ZNF514: variants seen among roughly 807,000 people sequenced by gnomAD.
The protein encoded by ZNF514 is zinc finger protein 514.
A neutral mutation model predicts 9.7 loss-of-function variants in ZNF514; 12 were observed. That is an observed-to-expected ratio of 1.24 (90% CI 0.79 to 2.01). The LOEUF is 2.01. ZNF514 is among the 30% of genes most tolerant of loss of function. The probability of loss-of-function intolerance (pLI) is 0.00; values close to 1 mark genes in which losing one functional copy is unlikely to be tolerated. For missense variants in ZNF514, 467 were observed against 465.5 expected (o/e 1.00, Z -0.03); for synonymous variants, 158 against 163.7 (o/e 0.97, Z 0.27).
chr2:95,156,586 GT>G (rs752466755), intron 2 of ZNF514, among the ~76,000 whole-genome samples: 7 of 152,202 alleles, frequency 4.6e-5, no homozygotes, highest in Non-Finnish European at 1.0e-4. Context: ...TTATGGGAAT[GT>G]TTTAGAGACA....
rs1038347443 is a variant in ZNF514 at position 95,145,576 on chromosome 2, T to A, written c.*3706A>T. Among the ~76,000 whole-genome samples, 9 of 152,180 alleles carry A rather than the reference T, an allele frequency of 5.9e-5. No homozygotes were observed. The highest frequency in any genetic ancestry group is 1.2e-4 in the Non-Finnish European group (8 of 68,032). ...ATTCCCTTCTATTGATTCCAGGTCT[T>A]TGGATAAACCCACTGCCAATCAGAA... On this transcript the variant is annotated 3_prime_UTR_variant, in exon 5 of 5. Transcript: ENST00000295208.
chr2:95,131,897 C>T, the ZNF514 span, among the ~76,000 whole-genome samples: 2 of 152,118 alleles, frequency 1.3e-5, 1 homozygote, highest in Admixed American at 1.3e-4. Context: ...AATCACAGCA[C>T]TTTGGGAGGC....
chr2:95,149,037 G>A lies in ZNF514; in HGVS notation c.*245C>T, dbSNP rs537610264. Reference sequence around the variant, plus strand: ...ATAATATGCATCCTCTGATCAAAGCGTTCCCACATTCATTACATTCACGTG... The same window carrying A: ...ATAATATGCATCCTCTGATCAAAGCATTCCCACATTCATTACATTCACGTG... On this transcript the variant is annotated 3_prime_UTR_variant, in exon 5 of 5. Transcript: ENST00000295208. 8.3e-5 allele frequency: 40 copies of A among 484,386 alleles called. No individual in the cohort carries two copies. The highest frequency in any genetic ancestry group is 4.3e-4 in the African/African-American group (22 of 51,416). The allele number at this position is 484,386 out of a possible 1,614,324, so 30.0% of individuals were successfully genotyped here.
At chr2:95,137,031 CAAATT>C in the ZNF514 span, among the ~76,000 whole-genome samples, 1 of 152,044 alleles carries the variant, frequency 6.6e-6, no homozygotes, top group Admixed American at 6.6e-5. Flanking sequence ...AAATGAACAA[CAAATT>C]AAAGAACTTA....
rs1373549535 is a variant in ZNF514, at chr2:95,145,147, G to GT, written c.*4134dup. The stretch of plus-strand genomic sequence containing the variant: ...TGACATGAAGCAGCTGATAGTCTAT[G>GT]TAAGTCAAAAATAAAATTCTAAGCA... On this transcript the variant is annotated 3_prime_UTR_variant, in exon 5 of 5. Coordinates refer to ENST00000295208, the MANE Select transcript of ZNF514 (RefSeq NM_032788.3). Among the ~76,000 whole-genome samples the GT allele has an allele frequency of 6.6e-6, 1 of 152,172 alleles. No individual in the cohort carries two copies. Among genetic ancestry groups the GT allele is most frequent in the East Asian group, 1.9e-4 (1 of 5,196 alleles).
chr2:95,143,793 G>A (rs575538841), downstream of ZNF514, among the ~76,000 whole-genome samples: 12 of 152,258 alleles, frequency 7.9e-5, no homozygotes, highest in Admixed American at 2.0e-4. Flanking sequence ...ATTAAATGAC[G>A]CAAACATTCT....
Position 95,145,470 on chromosome 2 carries a change from T to C in ZNF514, c.*3812A>G, listed in dbSNP as rs985946967. Among the ~76,000 whole-genome samples the C allele has an allele frequency of 9.9e-5, 15 of 152,194 alleles. No individual in the cohort carries two copies. Among genetic ancestry groups the C allele is most frequent in the African/African-American group, 3.4e-4 (14 of 41,442 alleles). On this transcript the variant is annotated 3_prime_UTR_variant, in exon 5 of 5. Transcript: ENST00000295208. The stretch of plus-strand genomic sequence containing the variant: ...TCTGATAAGAAACATTTACAATCTA[T>C]TCTCTCTGAAGCCTGCTACCTTCTG...
chr2:95,130,161 G>A, the ZNF514 span, among the ~76,000 whole-genome samples: 9 of 152,130 alleles, frequency 5.9e-5, no homozygotes, highest in Admixed American at 3.3e-4. Flanking sequence ...GGTAGGAGCC[G>A]TGATGCCCCA....
chr2:95,139,264 A>G, the ZNF514 span, among the ~76,000 whole-genome samples: 86,583 of 152,108 alleles, frequency 0.57, 25,141 homozygotes, highest in Non-Finnish European at 0.62. Flanking sequence ...AGTGTCCCCA[A>G]TGGGGCACTG....
chr2:95,130,336 G>C, the ZNF514 span, among the ~76,000 whole-genome samples: 3 of 152,312 alleles, frequency 2.0e-5, no homozygotes, highest in South Asian at 6.2e-4. Context: ...CAGGACCGAG[G>C]TGAAATTAAA....
intron 2 of ZNF514, among the ~76,000 whole-genome samples, chr2:95,156,135 T>A (rs1301589476): frequency 6.6e-6 from 1 of 152,258 alleles, no homozygotes; most frequent in African/African-American, 2.4e-5. Flanking sequence ...TATTTATGAC[T>A]TTACTGATTA....
chr2:95,127,303 T>C, the ZNF514 span, among the ~76,000 whole-genome samples: 1 of 152,216 alleles, frequency 6.6e-6, no homozygotes, highest in Admixed American at 6.5e-5. Context: ...TTTTGGTGAT[T>C]CAAGTCAGAC....
chr2:95,153,441 G>A, intron 2 of ZNF514, 182 bp from the exon 3 acceptor site: 2 of 486,162 alleles, frequency 4.1e-6, no homozygotes, highest in East Asian at 3.2e-5. Flanking sequence ...ACATTTAATT[G>A]GAATCAATTA....
intron 2 of ZNF514, among the ~76,000 whole-genome samples, chr2:95,156,362 T>C (rs1673686845): frequency 6.6e-6 from 1 of 152,154 alleles, no homozygotes. Flanking sequence ...AGTTACCATC[T>C]GCCAGCGGAA....
Position 95,148,983 on chromosome 2 carries a change from C to CTGT in ZNF514, c.*298_*299insACA. 1 of 319,144 alleles carries CTGT rather than the reference C, an allele frequency of 3.1e-6. No homozygotes were observed. The highest frequency in any genetic ancestry group is 5.7e-6 in the Non-Finnish European group (1 of 174,500). 19.8% of individuals were successfully genotyped at this position (319,144 alleles called of 1,614,324 possible). On this transcript the variant is annotated 3_prime_UTR_variant, in exon 5 of 5. Coordinates refer to ENST00000295208, the MANE Select transcript of ZNF514 (RefSeq NM_032788.3). ...CCACACTCACTGCATTGATAAGGCTCCTCCCCAGTGTCGGCTGTCTGATGC... is the reference window on the plus strand; with the variant it reads ...CCACACTCACTGCATTGATAAGGCTCTGTCTCCCCAGTGTCGGCTGTCTGATGC...
chr2:95,126,392 A>AAAAG, the ZNF514 span, among the ~76,000 whole-genome samples: 31,393 of 82,414 alleles, frequency 0.38, 5,922 homozygotes, highest in South Asian at 0.52. Context: ...AAAAAAAAAA[A>AAAAG]AAAGAAAGAA....
the ZNF514 span, among the ~76,000 whole-genome samples, chr2:95,130,500 C>G: frequency 6.6e-6 from 1 of 152,196 alleles, no homozygotes; most frequent in Non-Finnish European, 1.5e-5. Context: ...GTTTATTTGA[C>G]CTCTGCAATC....
chr2:95,146,726 G>A lies in ZNF514; in HGVS notation c.*2556C>T, dbSNP rs968642800. On this transcript the variant is annotated 3_prime_UTR_variant, in exon 5 of 5. Transcript: ENST00000295208. ...ATGGCAAGGATACATGAGAAGAGGA[G>A]ACAGATTTTGGACGAAGACCAGTTA... is the stretch of plus-strand genomic sequence containing the variant. Among the ~76,000 whole-genome samples, 7 of 151,490 alleles carry A rather than the reference G, an allele frequency of 4.6e-5. No individual in the cohort carries two copies. The highest frequency in any genetic ancestry group is 7.4e-5 in the Non-Finnish European group (5 of 67,952).
the ZNF514 span, among the ~76,000 whole-genome samples, chr2:95,124,682 A>G: frequency 6.6e-6 from 1 of 151,498 alleles, no homozygotes; most frequent in South Asian, 2.1e-4. Flanking sequence ...TTGTATTTTT[A>G]GTAGAGACGG....
Sources: gnomAD v4.1 joint callset for allele counts (sites outside exome capture counted in the v4.1 genomes callset) on GRCh38, gnomAD v4.1.1 for gene constraint, MANE v1.5 for transcripts, NCBI Gene and HGNC (gene_info 2026-07-23, HGNC 2026-07-21) for gene names.